The following TRDN variants were observed in gnomAD, a reference collection of about 807,000 sequenced individuals.
The protein encoded by TRDN is triadin, also known as triadin in skeletal muscle.
TRDN carries 161 observed loss-of-function variants against 149.7 expected under a neutral mutation model. The observed-to-expected ratio is 1.08, with a 90% CI of 0.95 to 1.23. TRDN has a LOEUF of 1.23. Ranked by LOEUF, TRDN falls within the 50% of genes most tolerant of loss-of-function variation. The pLI is 0.00. For missense variants in TRDN, 896 were observed against 823.5 expected (o/e 1.09, Z -1.08); for synonymous variants, 294 against 250.5 (o/e 1.17, Z -1.64).
chr6:123,425,483 A>G (rs981992539), intron 12 of TRDN, among the ~76,000 whole-genome samples: 1 of 152,060 alleles, frequency 6.6e-6, no homozygotes, highest in African/African-American at 2.4e-5. Flanking sequence ...CTATGAGATC[A>G]CCAAGGTAGT....
chr6:123,235,540 G>A (rs1213079607), intron 38 of TRDN, among the ~76,000 whole-genome samples: 2 of 152,190 alleles, frequency 1.3e-5, no homozygotes, highest in African/African-American at 2.4e-5. Context: ...AGTTTTGTAC[G>A]TTATTAATTT....
chr6:123,461,111 A>T (rs1776422616), intron 10 of TRDN, among the ~76,000 whole-genome samples: 1 of 152,154 alleles, frequency 6.6e-6, no homozygotes, highest in African/African-American at 2.4e-5. Context: ...CCTGAAAAAT[A>T]CAGGTGTGAA....
At chr6:123,451,812 C>G (rs1352359657) in intron 10 of TRDN, among the ~76,000 whole-genome samples, 3 of 151,992 alleles carry the variant, frequency 2.0e-5, no homozygotes, top group African/African-American at 7.2e-5. Context: ...AACTACAGAC[C>G]AATATCCTTG....
intron 20 of TRDN, among the ~76,000 whole-genome samples, chr6:123,353,586 T>C (rs1345745355): frequency 6.6e-6 from 1 of 150,982 alleles, no homozygotes; most frequent in African/African-American, 2.4e-5. Context: ...ATTAGACCAA[T>C]CAAAAATGTC....
In TRDN at chr6:123,552,024, GA is replaced by G. The variant is rs143595871; in HGVS notation, c.233-3413del. 1.4e-3 allele frequency among the ~76,000 whole-genome samples: 215 copies of G among 150,350 alleles called. 1 individual carries two copies. Among genetic ancestry groups the G allele is most frequent in the East Asian group, 9.8e-3 (50 of 5,114 alleles). Reference sequence around the variant, plus strand: ...CTGAGAAAGGCAAGGATTAAAACTGGAAAAAAAAATGAGTCCACGATGACAT... The same window carrying G: ...CTGAGAAAGGCAAGGATTAAAACTGGAAAAAAAATGAGTCCACGATGACAT... On this transcript the variant is annotated intron_variant, in intron 2 of 40. Transcript: ENST00000334268.
intron 32 of TRDN, 62 bp from the exon 33 acceptor site, chr6:123,265,400 A>G: frequency 9.1e-7 from 1 of 1,093,234 alleles, no homozygotes; most frequent in Non-Finnish European, 1.3e-6. Flanking sequence ...TGGGTGACAT[A>G]TCAGCCCTTT....
chr6:123,349,928 T>C (rs1780392751), intron 21 of TRDN: 1 of 981,848 alleles, frequency 1.0e-6, no homozygotes, highest in Non-Finnish European at 1.2e-6. Context: ...ATTACAATTA[T>C]GTAGGGAACC....
chr6:123,627,774 T>A (rs1388773999), intron 1 of TRDN, among the ~76,000 whole-genome samples: 1 of 152,194 alleles, frequency 6.6e-6, no homozygotes, highest in Non-Finnish European at 1.5e-5. Flanking sequence ...CTTAGCTAGA[T>A]CTTCTGGATA....
chr6:123,400,631 C>G (rs1772927193), intron 12 of TRDN, among the ~76,000 whole-genome samples: 1 of 152,064 alleles, frequency 6.6e-6, no homozygotes, highest in East Asian at 1.9e-4. Context: ...AGGCCACAGA[C>G]CAGTACCAGG....
At chr6:123,459,270 T>C (rs1562324981) in intron 10 of TRDN, among the ~76,000 whole-genome samples, 1 of 152,142 alleles carries the variant, frequency 6.6e-6, no homozygotes, top group East Asian at 1.9e-4. Flanking sequence ...TCAAGCCCCA[T>C]GTCCTCTGAA....
At chr6:123,322,751 C>T (rs1779291687) in intron 23 of TRDN, among the ~76,000 whole-genome samples, 1 of 151,800 alleles carries the variant, frequency 6.6e-6, no homozygotes, top group African/African-American at 2.4e-5. Context: ...TGCCATTCTC[C>T]TGCCTCAGCC....
intron 5 of TRDN, among the ~76,000 whole-genome samples, chr6:123,526,234 C>A (rs1023616316): frequency 6.6e-6 from 1 of 151,992 alleles, no homozygotes; most frequent in East Asian, 1.9e-4. Flanking sequence ...ATTAGGTAAG[C>A]CCACATCAGG....
intron 24 of TRDN, among the ~76,000 whole-genome samples, chr6:123,296,579 T>C (rs1415148556): frequency 6.9e-6 from 1 of 145,284 alleles, no homozygotes; most frequent in Non-Finnish European, 1.5e-5. Context: ...TAAAATATAA[T>C]ATAAGACTCT....
At position 123,428,206 on chromosome 6, in the gene TRDN, T is replaced by C. The variant is rs181661858; in HGVS notation, c.1051+9857A>G. 5.9e-5 allele frequency among the ~76,000 whole-genome samples: 9 copies of C among 152,300 alleles called. No individual in the cohort carries two copies. In the South Asian group the frequency reaches 6.2e-4, roughly 11 times the overall value. ...TTATGTAATTTCTCTGCTGGAAGGA[T>C]AGGACCCGTGGCCTAAAATAAACCA... On this transcript the variant is annotated intron_variant, in intron 12 of 40. Transcript: ENST00000334268.
intron 37 of TRDN, 31 bp downstream of exon 37, chr6:123,255,050 C>A (rs1185488545): frequency 1.7e-6 from 2 of 1,199,328 alleles, no homozygotes; most frequent in South Asian, 2.9e-5. Flanking sequence ...TGTTTTCATA[C>A]AAACATAGTA....
At chr6:123,524,556 C>T (rs1251748901) in intron 5 of TRDN, among the ~76,000 whole-genome samples, 1 of 152,086 alleles carries the variant, frequency 6.6e-6, no homozygotes, top group Non-Finnish European at 1.5e-5. Flanking sequence ...GATGGCACTA[C>T]ATTGGCCATA....
intron 8 of TRDN, chr6:123,502,421 T>TAA (rs1778738042): frequency 1.6e-6 from 1 of 624,018 alleles, no homozygotes; most frequent in Non-Finnish European, 2.0e-6. Context: ...TATCTTAAAA[T>TAA]AATAAATTAA....
chr6:123,480,906 G>A (rs115527557), intron 9 of TRDN, among the ~76,000 whole-genome samples: 2,389 of 152,084 alleles, frequency 0.016, 68 homozygotes, highest in African/African-American at 0.053. Flanking sequence ...GAGAGCAGCT[G>A]GCATAGTTGA....
chr6:123,497,404 G>A (rs1266953927), intron 8 of TRDN, among the ~76,000 whole-genome samples, 152 bp from the exon 9 acceptor site: 2 of 152,072 alleles, frequency 1.3e-5, no homozygotes, highest in African/African-American at 2.4e-5. Context: ...GCACTTATAT[G>A]AAAATACAGA....
Sources: gnomAD v4.1 joint callset for allele counts (sites outside exome capture counted in the v4.1 genomes callset) on GRCh38, gnomAD v4.1.1 for gene constraint, MANE v1.5 for transcripts, NCBI Gene and HGNC (gene_info 2026-07-23, HGNC 2026-07-21) for gene names.